Variants in VRK2 observed in about 807,000 individuals in gnomAD.
The protein encoded by VRK2 is VRK serine/threonine kinase 2, also known as serine/threonine-protein kinase VRK2.
VRK2 carries 60 observed loss-of-function variants against 57.6 expected under a neutral mutation model. That is an observed-to-expected ratio of 1.04 (90% CI 0.85 to 1.29). The LOEUF (loss-of-function observed/expected upper bound fraction) is 1.29, where lower values mean the gene tolerates loss of function less well. VRK2 is among the 50% of genes most tolerant of loss of function. The pLI is 0.00. For missense variants in VRK2, 705 were observed against 588.1 expected, an observed-to-expected ratio of 1.20 and a Z score of -2.06; for synonymous variants, 231 against 199.2, an observed-to-expected ratio of 1.16 and a Z score of -1.35.
chr2:58,051,006 G>A (rs893045258), intron 2 of VRK2, among the ~76,000 whole-genome samples: 1 of 152,042 alleles, frequency 6.6e-6, no homozygotes, highest in Non-Finnish European at 1.5e-5. Flanking sequence ...CACCCTGCCT[G>A]GCTAATTTTT....
upstream of VRK2, chr2:57,907,621 C>T (rs968575833): frequency 2.6e-5 from 4 of 152,266 alleles, no homozygotes; most frequent in Admixed American, 2.6e-4. Flanking sequence ...ACTACAACCA[C>T]TTCAAACATC....
intron 7 of VRK2, among the ~76,000 whole-genome samples, chr2:58,094,467 G>A (rs1027765717): frequency 2.6e-5 from 4 of 152,100 alleles, no homozygotes; most frequent in African/African-American, 9.7e-5. Flanking sequence ...TTCTCTGTTT[G>A]CTGTTGGTGT....
chr2:57,969,563 C>T (rs1318782041), intron 1 of VRK2, among the ~76,000 whole-genome samples: 1 of 151,826 alleles, frequency 6.6e-6, no homozygotes, highest in African/African-American at 2.4e-5. Context: ...TTATATACAA[C>T]TTTTATTAAA....
At chr2:58,100,625 G>GT (rs1352974155) in intron 7 of VRK2, among the ~76,000 whole-genome samples, 1 of 151,492 alleles carries the variant, frequency 6.6e-6, no homozygotes, top group Admixed American at 6.6e-5. Context: ...TATTTTATGA[G>GT]TTTTACATTA....
intron 2 of VRK2, among the ~76,000 whole-genome samples, chr2:58,066,360 TTAA>T (rs1349873889): frequency 6.6e-6 from 1 of 152,178 alleles, no homozygotes; most frequent in African/African-American, 2.4e-5. Flanking sequence ...CTTTAGATTA[TTAA>T]TATGGTAGAT....
chr2:57,997,093 A>C (rs1672947046), intron 1 of VRK2, among the ~76,000 whole-genome samples: 1 of 152,152 alleles, frequency 6.6e-6, no homozygotes. Flanking sequence ...CCAAATAAGA[A>C]GCAAATTCAG....
chr2:57,946,997 T>C (rs1671282288), intron 1 of VRK2, among the ~76,000 whole-genome samples: 1 of 152,162 alleles, frequency 6.6e-6, no homozygotes, highest in African/African-American at 2.4e-5. Context: ...TTTGTCCATC[T>C]TAATTATATT....
At chr2:58,063,126 A>G (rs909819380) in intron 2 of VRK2, among the ~76,000 whole-genome samples, 2 of 151,972 alleles carry the variant, frequency 1.3e-5, no homozygotes, top group East Asian at 3.9e-4. Context: ...TAAATGGAAC[A>G]ACAAAGCCTG....
rs954960669 is a variant in VRK2, at chr2:58,046,880, G to A, written c.-6+12G>A. 1 of 985,444 alleles carries A rather than the reference G, an allele frequency of 1.0e-6. No homozygotes were observed. Among genetic ancestry groups the A allele is most frequent in the Non-Finnish European group, 1.2e-6 (1 of 829,906 alleles). 61.0% of individuals were successfully genotyped at this position (985,444 alleles called of 1,614,324 possible). On this transcript the variant is annotated intron_variant, in intron 1 of 12. Transcript: ENST00000340157. ...GATCCTGAGGCCCGGTCAGTCTCTT[G>A]CTCTGGGGTCTTGGGTGGCGGGCGG...
chr2:58,127,647 C>G (rs1678568694), intron 8 of VRK2, among the ~76,000 whole-genome samples: 1 of 152,176 alleles, frequency 6.6e-6, no homozygotes, highest in Non-Finnish European at 1.5e-5. Context: ...TAAATTTGTT[C>G]TGCAGATAGT....
At position 58,146,304 on chromosome 2, in the gene VRK2, C is replaced by A; in HGVS notation, c.1024-12C>A. On this transcript the variant is annotated splice_polypyrimidine_tract_variant and intron_variant, in intron 11 of 12. Coordinates refer to ENST00000340157, the MANE Select transcript of VRK2 (RefSeq NM_006296.7). ...TTTTCATTATATATTATTACTTACTCTATACCAACAGGTTGATTCACAAAA... is the reference window on the plus strand; with the variant it reads ...TTTTCATTATATATTATTACTTACTATATACCAACAGGTTGATTCACAAAA... 1 of 1,600,062 alleles carries A rather than the reference C, an allele frequency of 6.2e-7. No homozygotes were observed. Among genetic ancestry groups the A allele is most frequent in the South Asian group, 1.1e-5 (1 of 88,718 alleles).
intron 1 of VRK2, among the ~76,000 whole-genome samples, chr2:57,950,728 C>G (rs1671400913): frequency 6.6e-6 from 1 of 152,142 alleles, no homozygotes; most frequent in African/African-American, 2.4e-5. Flanking sequence ...GATGGTGATT[C>G]TTCTGATGAA....
intron 1 of VRK2, among the ~76,000 whole-genome samples, chr2:57,930,850 G>A (rs571557559): frequency 1.7e-4 from 26 of 152,084 alleles, no homozygotes; most frequent in East Asian, 1.5e-3. Context: ...AGTATTTGTC[G>A]TTCTGTGTCT....
At chr2:58,144,928 C>T (rs1411026752) in intron 11 of VRK2, among the ~76,000 whole-genome samples, 2 of 151,884 alleles carry the variant, frequency 1.3e-5, no homozygotes, top group East Asian at 1.9e-4. Flanking sequence ...ACACACTTGG[C>T]GATAAAAGCT....
chr2:58,073,531 A>T (rs1241268159), intron 2 of VRK2, among the ~76,000 whole-genome samples: 2 of 151,676 alleles, frequency 1.3e-5, no homozygotes, highest in Non-Finnish European at 2.9e-5. Context: ...CTTCCTGAAG[A>T]ATTGACCCCT....
At chr2:58,099,103 G>A (rs913225533) in intron 7 of VRK2, among the ~76,000 whole-genome samples, 1 of 151,864 alleles carries the variant, frequency 6.6e-6, no homozygotes, top group Admixed American at 6.6e-5. Context: ...ACTTATAATG[G>A]AATTATCAAA....
At chr2:57,954,872 G>C (rs190283398) in intron 1 of VRK2, among the ~76,000 whole-genome samples, 4 of 152,204 alleles carry the variant, frequency 2.6e-5, no homozygotes, top group African/African-American at 9.6e-5. Context: ...CAGCAACATA[G>C]AAAGATAGAA....
At chr2:57,950,294 C>G (rs768346159) in intron 1 of VRK2, among the ~76,000 whole-genome samples, 2 of 152,200 alleles carry the variant, frequency 1.3e-5, no homozygotes, top group Non-Finnish European at 2.9e-5. Flanking sequence ...TTCAAAACTT[C>G]AAAGTACAAG....
At chr2:57,952,081 T>C (rs1459745214) in intron 1 of VRK2, among the ~76,000 whole-genome samples, 1 of 151,754 alleles carries the variant, frequency 6.6e-6, no homozygotes, top group Non-Finnish European at 1.5e-5. Flanking sequence ...TTAAGACATA[T>C]ATATCTATAT....
Sources: allele counts gnomAD v4.1 joint callset (sites outside exome capture counted in the v4.1 genomes callset), GRCh38; gene constraint gnomAD v4.1.1; transcripts MANE v1.5; gene names NCBI Gene and HGNC (gene_info 2026-07-23, HGNC 2026-07-21).